The following CHST11 variants were observed in gnomAD, a reference collection of about 807,000 sequenced individuals.
CHST11 encodes carbohydrate sulfotransferase 11.
In CHST11, 9 loss-of-function variants were observed where a neutral mutation model predicts 30.4. The ratio of observed to expected loss-of-function variants is 0.30; its 90% CI spans 0.18 to 0.52. The LOEUF is 0.52. Among genes scored for constraint, CHST11 ranks in the 20% least tolerant of loss-of-function variants. The pLI, the probability that CHST11 is intolerant of heterozygous loss-of-function variation, is 0.97. For missense variants in CHST11, 348 were observed against 460.6 expected (o/e 0.76, Z 2.24); for synonymous variants, 152 against 187.8 (o/e 0.81, Z 1.56).
At chr12:104,715,365 C>G (rs1229512322) in intron 2 of CHST11, among the ~76,000 whole-genome samples, 2 of 152,214 alleles carry the variant, frequency 1.3e-5, no homozygotes, top group South Asian at 4.1e-4. Flanking sequence ...CAGAGTGAGA[C>G]TCTGTCTCAA....
At chr12:104,673,714 C>T (rs916215715) in intron 2 of CHST11, among the ~76,000 whole-genome samples, 1 of 152,182 alleles carries the variant, frequency 6.6e-6, no homozygotes, top group Non-Finnish European at 1.5e-5. Context: ...ATTCACAAAC[C>T]GTTTGTTTCG....
At chr12:104,505,898 T>A (rs1207175720) in intron 1 of CHST11, among the ~76,000 whole-genome samples, 1 of 152,216 alleles carries the variant, frequency 6.6e-6, no homozygotes, top group Non-Finnish European at 1.5e-5. Flanking sequence ...GAAAGCATTA[T>A]CTCTGTGATG....
At chr12:104,731,541 G>A (rs1267881830) in intron 2 of CHST11, among the ~76,000 whole-genome samples, 2 of 152,160 alleles carry the variant, frequency 1.3e-5, no homozygotes, top group Admixed American at 6.5e-5. Context: ...AAATGGGCTC[G>A]AGGGCTGTGG....
At chr12:104,574,421 G>A (rs2038661558) in intron 1 of CHST11, among the ~76,000 whole-genome samples, 1 of 152,212 alleles carries the variant, frequency 6.6e-6, no homozygotes, top group Admixed American at 6.5e-5. Flanking sequence ...CATGTTAATT[G>A]TGGCACTATT....
intron 2 of CHST11, among the ~76,000 whole-genome samples, chr12:104,623,802 A>C (rs1442256462): frequency 6.6e-6 from 1 of 152,084 alleles, no homozygotes; most frequent in Non-Finnish European, 1.5e-5. Context: ...TGCATTATGA[A>C]ATCAGGAAAG....
chr12:104,678,143 G>A (rs2039760238), intron 2 of CHST11, among the ~76,000 whole-genome samples: 1 of 152,160 alleles, frequency 6.6e-6, no homozygotes, highest in South Asian at 2.1e-4. Flanking sequence ...ATCACCTCTA[G>A]AATTTAACCT....
chr12:104,670,415 C>G (rs1394868591), intron 2 of CHST11, among the ~76,000 whole-genome samples: 1 of 152,066 alleles, frequency 6.6e-6, no homozygotes, highest in Non-Finnish European at 1.5e-5. Context: ...CCACCCACCC[C>G]CAACATAGCC....
intron 1 of CHST11, among the ~76,000 whole-genome samples, chr12:104,504,361 G>C (rs1174656664): frequency 6.6e-6 from 1 of 152,250 alleles, no homozygotes; most frequent in East Asian, 1.9e-4. Flanking sequence ...GCAGTGGCAT[G>C]TGTGTTAAGA....
intron 2 of CHST11, among the ~76,000 whole-genome samples, chr12:104,698,349 T>C (rs2136111694): frequency 6.6e-6 from 1 of 152,326 alleles, no homozygotes; most frequent in African/African-American, 2.4e-5. Context: ...CAATGTTCCC[T>C]GTCTCTACTT....
intron 2 of CHST11, among the ~76,000 whole-genome samples, chr12:104,608,586 A>T (rs933174924): frequency 6.6e-6 from 1 of 151,944 alleles, no homozygotes; most frequent in South Asian, 2.1e-4. Context: ...TTTTCTAATA[A>T]ATCTGCCTTT....
intron 1 of CHST11, among the ~76,000 whole-genome samples, chr12:104,543,086 C>CAGA (rs996167725): frequency 3.3e-5 from 5 of 152,298 alleles, no homozygotes; most frequent in African/African-American, 9.6e-5. Flanking sequence ...TGCTGAGCTT[C>CAGA]AGGTGAGGCC....
rs185377650 is a variant in CHST11, at chr12:104,717,041, C to T, written c.205-39908C>T. On this transcript the variant is annotated intron_variant, in intron 2 of 2. Coordinates refer to ENST00000303694, the MANE Select transcript of CHST11 (RefSeq NM_018413.6). The stretch of plus-strand genomic sequence containing the variant: ...CATCTTATCACTGAATCCCCTGCCT[C>T]CCTCTTCCACGTTTAAGGGACCCTT... 2.8e-4 allele frequency among the ~76,000 whole-genome samples: 42 copies of T among 152,348 alleles called. No homozygotes were observed. In the East Asian group the frequency reaches 7.5e-3, roughly 27 times the overall value.
chr12:104,701,115 G>C (rs2039987618), intron 2 of CHST11, among the ~76,000 whole-genome samples: 1 of 152,104 alleles, frequency 6.6e-6, no homozygotes, highest in Admixed American at 6.5e-5. Context: ...GACACACACA[G>C]TCTCATCTCC....
intron 1 of CHST11, among the ~76,000 whole-genome samples, chr12:104,494,637 G>T (rs914032884): frequency 6.6e-6 from 1 of 152,154 alleles, no homozygotes; most frequent in African/African-American, 2.4e-5. Flanking sequence ...GAACAATGTC[G>T]TAGGCGTATT....
intron 2 of CHST11, among the ~76,000 whole-genome samples, chr12:104,694,684 A>G (rs907971033): frequency 2.6e-5 from 4 of 152,156 alleles, no homozygotes; most frequent in Non-Finnish European, 5.9e-5. Flanking sequence ...CAGAGGGGAC[A>G]TGGGCCTTTG....
intron 2 of CHST11, among the ~76,000 whole-genome samples, chr12:104,701,266 T>C (rs1403483358): frequency 1.3e-5 from 2 of 152,214 alleles, no homozygotes; most frequent in East Asian, 3.8e-4. Flanking sequence ...CTCTTTCTAC[T>C]GACTCAGTTC....
At position 104,756,987 on chromosome 12, in the gene CHST11, G is replaced by A; in HGVS notation, c.243G>A (p.Arg81=). The change falls in exon 3 of 3, where the codon CGG becomes CGA. Residue 81 remains arginine, a synonymous_variant. Transcript: ENST00000303694. ...ACACTGCTGTCCTGCACCAGATGCG[G>A]CGGGACCAGGTGACAGACACGTGCC... The part of the protein sequence containing the change: ...LSNTAVLHQM[R]RDQVTDTCRA... The A allele has an allele frequency of 1.2e-6, 2 of 1,611,194 alleles. No homozygotes were observed. The highest frequency in any genetic ancestry group is 1.7e-6 in the Non-Finnish European group (2 of 1,178,168).
intron 2 of CHST11, among the ~76,000 whole-genome samples, chr12:104,659,790 A>ACC (rs36101250): frequency 1.1e-4 from 16 of 146,454 alleles, no homozygotes; most frequent in Admixed American, 2.7e-4. Context: ...ACATAGTGAG[A>ACC]CCCCCCCCCG....
intron 2 of CHST11, among the ~76,000 whole-genome samples, chr12:104,708,877 C>T (rs1283516934): frequency 1.3e-5 from 2 of 152,182 alleles, no homozygotes; most frequent in Admixed American, 6.5e-5. Flanking sequence ...CAGTGAGCAT[C>T]GGTTGAAAAG....
Sources: gnomAD v4.1 joint callset for allele counts (sites outside exome capture counted in the v4.1 genomes callset) on GRCh38, gnomAD v4.1.1 for gene constraint, MANE v1.5 for transcripts, NCBI Gene and HGNC (gene_info 2026-07-23, HGNC 2026-07-21) for gene names.